Variants in C8orf74 observed in about 807,000 individuals in gnomAD.
The protein encoded by C8orf74 is chromosome 8 open reading frame 74.
A neutral mutation model predicts 22.2 loss-of-function variants in C8orf74; 29 were observed. The observed-to-expected ratio is 1.31, with a 90% CI of 0.97 to 1.78. The LOEUF (loss-of-function observed/expected upper bound fraction) is 1.78, where lower values mean the gene tolerates loss of function less well. Ranked by LOEUF, C8orf74 falls within the 40% of genes most tolerant of loss-of-function variation. The pLI is 0.00. For synonymous variants in C8orf74, 255 were observed against 163.1 expected (o/e 1.56, Z -4.30); for missense variants, 515 against 369.9 (o/e 1.39, Z -3.22).
At chr8:10,690,944 G>A (rs144264876) in intron 2 of C8orf74, 17 of 456,178 alleles carry the variant, frequency 3.7e-5, no homozygotes, top group South Asian at 2.2e-4. Context: ...GCCACTCCCT[G>A]TTATTGAAGA....
At chr8:10,691,140 G>A (rs1039182958) in intron 2 of C8orf74, 3 of 354,580 alleles carry the variant, frequency 8.5e-6, no homozygotes, top group African/African-American at 6.4e-5. Flanking sequence ...AACCAGCCAA[G>A]AGTGTCTGGG....
At chr8:10,675,275 G>C (rs1284324811) in intron 2 of C8orf74, among the ~76,000 whole-genome samples, 2 of 152,242 alleles carry the variant, frequency 1.3e-5, no homozygotes, top group East Asian at 1.9e-4. Flanking sequence ...GGGGGATGCA[G>C]TCAGGTGGGT....
At position 10,700,418 on chromosome 8, in the gene C8orf74, GC is replaced by G. The variant is rs1189527346; in HGVS notation, c.835del (p.Leu279Ter). The G allele has an allele frequency of 8.8e-6, 14 of 1,599,202 alleles. No homozygotes were observed. The highest frequency in any genetic ancestry group is 1.1e-5 in the Non-Finnish European group (13 of 1,172,674). On this transcript the variant is annotated frameshift_variant, in exon 4 of 4. Coordinates refer to ENST00000304519, the MANE Select transcript of C8orf74 (RefSeq NM_001040032.2). LOFTEE classifies it low-confidence loss of function (END_TRUNC). ...CACCAGCCACGCAGGCCAGGAGGAA[GC>G]CCTGAAGCCCCAAAGAGCGAGCAAA... ...PITSHAGQEE[A>X]LKPQRASKGK...
intron 2 of C8orf74, chr8:10,675,956 G>C (rs745847257): frequency 1.3e-5 from 2 of 152,254 alleles, no homozygotes; most frequent in Non-Finnish European, 2.9e-5. Flanking sequence ...GGAAACCAGA[G>C]TGTGGTCTGG....
chr8:10,698,590 C>A (rs1399610052), intron 3 of C8orf74, among the ~76,000 whole-genome samples: 1 of 152,128 alleles, frequency 6.6e-6, no homozygotes, highest in Admixed American at 6.6e-5. Context: ...TAGCTGCCAG[C>A]ATTTCCCATG....
chr8:10,690,602 C>G (rs919330446), intron 2 of C8orf74, among the ~76,000 whole-genome samples: 3 of 152,128 alleles, frequency 2.0e-5, no homozygotes, highest in Non-Finnish European at 4.4e-5. Flanking sequence ...ACTGGTTTAT[C>G]GGGGTACCTG....
At chr8:10,681,847 G>C (rs1440978500) in intron 2 of C8orf74, among the ~76,000 whole-genome samples, 2 of 152,206 alleles carry the variant, frequency 1.3e-5, no homozygotes, top group African/African-American at 2.4e-5. Flanking sequence ...TGAGTGCCTG[G>C]TGAAGAGCGT....
rs1179074492 is a variant in C8orf74, at chr8:10,677,063, C to T, written c.241+2225C>T. On this transcript the variant is annotated intron_variant, in intron 2 of 3. Coordinates refer to ENST00000304519, the MANE Select transcript of C8orf74 (RefSeq NM_001040032.2). ...ACAGCACAGCTATGTCTCATGGACT[C>T]ACCAACTGAGTGCACAGAAAACTCC... 4.6e-5 allele frequency among the ~76,000 whole-genome samples: 7 copies of T among 152,234 alleles called. No homozygotes were observed. The Middle Eastern group carries it at 0.02, about 444-fold the overall frequency.
intron 2 of C8orf74, among the ~76,000 whole-genome samples, chr8:10,677,938 C>G (rs977871025): frequency 2.0e-5 from 3 of 152,198 alleles, no homozygotes; most frequent in African/African-American, 7.2e-5. Context: ...ACAGTCACCC[C>G]CACGGATACC....
At chr8:10,674,913 C>T (rs75950337) in intron 2 of C8orf74, 75 bp downstream of exon 2, 63,825 of 1,288,684 alleles carry the variant, frequency 0.05, 1,931 homozygotes, top group Non-Finnish European at 0.06. Context: ...CCCCTGCCGT[C>T]CACAGCCCCA....
At chr8:10,676,034 T>C (rs1799025354) in intron 2 of C8orf74, among the ~76,000 whole-genome samples, 1 of 152,138 alleles carries the variant, frequency 6.6e-6, no homozygotes, top group Non-Finnish European at 1.5e-5. Context: ...ATGAATGTTC[T>C]TGCTTTAGGA....
rs777994345 is a variant in C8orf74 at position 10,697,856 on chromosome 8, C to T, written c.499C>T (p.Gln167Ter). Residue 167 changes from glutamine (Q) to a stop codon, truncating the protein, a stop_gained, in exon 3 of 4, where the codon CAG becomes TAG. Coordinates refer to ENST00000304519, the MANE Select transcript of C8orf74 (RefSeq NM_001040032.2). LOFTEE classifies it high-confidence loss of function. ...MDRDLWIHEQ[Q>*]VATLTEAEAQ... Reference sequence around the variant, plus strand: ...CAGGGACTTGTGGATCCACGAGCAGCAGGTGGCCACACTGACGGAGGCCGA... The same window carrying T: ...CAGGGACTTGTGGATCCACGAGCAGTAGGTGGCCACACTGACGGAGGCCGA... The T allele has an allele frequency of 6.2e-7, 1 of 1,613,418 alleles. No individual in the cohort carries two copies. Among genetic ancestry groups the T allele is most frequent in the Non-Finnish European group, 8.5e-7 (1 of 1,179,634 alleles).
chr8:10,696,958 G>GA (rs60560452), intron 2 of C8orf74, among the ~76,000 whole-genome samples: 2,702 of 104,108 alleles, frequency 0.026, 44 homozygotes, highest in Middle Eastern at 0.053. Flanking sequence ...CCAGGAGTTC[G>GA]AAAAAAAAAA....
At chr8:10,683,173 G>A (rs796449696) in intron 2 of C8orf74, among the ~76,000 whole-genome samples, 1 of 152,240 alleles carries the variant, frequency 6.6e-6, no homozygotes, top group Non-Finnish European at 1.5e-5. Context: ...GGATGAGCCA[G>A]GTCACACACC....
intron 2 of C8orf74, chr8:10,692,743 A>C (rs1171867619): frequency 6.6e-6 from 1 of 151,466 alleles, no homozygotes; most frequent in African/African-American, 2.4e-5. Flanking sequence ...GGCTCAAGGG[A>C]TACCCCTGCC....
chr8:10,687,044 A>G (rs1379688705), intron 2 of C8orf74: 1 of 454,916 alleles, frequency 2.2e-6, no homozygotes, highest in South Asian at 1.6e-5. Context: ...CCAGGGTTAT[A>G]GTCCTAGAGC....
intron 2 of C8orf74, chr8:10,691,670 G>T (rs987663504): frequency 2.0e-5 from 3 of 152,416 alleles, no homozygotes; most frequent in Admixed American, 6.5e-5. Flanking sequence ...TGTCCTCCAT[G>T]CGGCCACCGA....
intron 1 of C8orf74, 69 bp from the exon 2 acceptor site, chr8:10,674,577 C>T (rs750348441): frequency 7.0e-5 from 92 of 1,318,906 alleles, no homozygotes; most frequent in African/African-American, 6.1e-4. Flanking sequence ...ATATCACACC[C>T]CGTAGCCCCT....
At chr8:10,675,776 A>T (rs1799019803) in intron 2 of C8orf74, 1 of 152,210 alleles carries the variant, frequency 6.6e-6, no homozygotes, top group Non-Finnish European at 1.5e-5. Context: ...GCAAAGTAGG[A>T]CCATGGCTCA....
Sources: gnomAD v4.1 joint callset for allele counts (sites outside exome capture counted in the v4.1 genomes callset) on GRCh38, gnomAD v4.1.1 for gene constraint, MANE v1.5 for transcripts, NCBI Gene and HGNC (gene_info 2026-07-23, HGNC 2026-07-21) for gene names.